The following RAB2A variants were observed in gnomAD, a reference collection of about 807,000 sequenced individuals.
RAB2A encodes ras-related protein Rab-2A.
A neutral mutation model predicts 32.5 loss-of-function variants in RAB2A; 7 were observed. That is an observed-to-expected ratio of 0.22 (90% CI 0.12 to 0.40). The LOEUF (loss-of-function observed/expected upper bound fraction) is 0.40, where lower values mean the gene tolerates loss of function less well. Among genes scored for constraint, RAB2A ranks in the 10% least tolerant of loss-of-function variants. The pLI, the probability that RAB2A is intolerant of heterozygous loss-of-function variation, is 1.00. For synonymous variants in RAB2A, 79 were observed against 85.2 expected (o/e 0.93, Z 0.40); for missense variants, 108 against 260.7 (o/e 0.41, Z 4.03).
chr8:60,593,997 GA>G (rs1335159750), intron 6 of RAB2A, among the ~76,000 whole-genome samples: 1 of 152,016 alleles, frequency 6.6e-6, no homozygotes, highest in Non-Finnish European at 1.5e-5. Context: ...AAAACTTAGT[GA>G]ATGGACTCAA....
intron 1 of RAB2A, among the ~76,000 whole-genome samples, chr8:60,526,671 T>G (rs1807395896): frequency 6.6e-6 from 1 of 152,158 alleles, no homozygotes; most frequent in Admixed American, 6.5e-5. Flanking sequence ...CTCACACTGC[T>G]ATAAAGAACT....
At chr8:60,592,133 CAG>C (rs1803953828) in intron 6 of RAB2A, 164 bp downstream of exon 6, 2 of 442,530 alleles carry the variant, frequency 4.5e-6, no homozygotes, top group Non-Finnish European at 8.4e-6. Flanking sequence ...CACCTTCTGT[CAG>C]ACTCTTAAAT....
chr8:60,565,323 G>A (rs567451495), intron 2 of RAB2A, among the ~76,000 whole-genome samples: 1 of 151,942 alleles, frequency 6.6e-6, no homozygotes, highest in East Asian at 1.9e-4. Flanking sequence ...GTAGACTGAG[G>A]CGGGAGGATT....
At chr8:60,565,750 A>T (rs1246703964) in intron 2 of RAB2A, among the ~76,000 whole-genome samples, 1 of 117,844 alleles carries the variant, frequency 8.5e-6, no homozygotes, top group Non-Finnish European at 1.6e-5. Context: ...TCGCTCTGTC[A>T]CCCAGGTTGG....
intron 1 of RAB2A, among the ~76,000 whole-genome samples, chr8:60,525,933 A>ATATATATGTCTATATATG (rs1334892117): frequency 6.8e-6 from 1 of 147,748 alleles, no homozygotes; most frequent in Non-Finnish European, 1.5e-5. Context: ...ATAAAGATAT[A>ATATATATGTCTATATATG]TATATATGTC....
intron 1 of RAB2A, among the ~76,000 whole-genome samples, chr8:60,547,125 C>T (rs1807742075): frequency 6.6e-6 from 1 of 151,446 alleles, no homozygotes; most frequent in South Asian, 2.1e-4. Flanking sequence ...CTTCAAGCAT[C>T]TGTTTAACAA....
Position 60,584,259 on chromosome 8 carries a change from G to T in RAB2A, c.238G>T (p.Ala80Ser), listed in dbSNP as rs1303794346. 1 of 1,609,180 alleles carries T rather than the reference G, an allele frequency of 6.2e-7. No homozygotes were observed. Among genetic ancestry groups the T allele is most frequent in the African/African-American group, 1.3e-5 (1 of 74,796 alleles). The change falls in exon 4 of 8, where the codon GCA (alanine) becomes TCA (serine). Residue 80 changes from alanine to serine, a missense_variant. Ala to Ser is a moderately conservative substitution (Grantham distance 99). This residue lies in a region of RAB2A where 79 missense variants were observed against 199.8 expected (regional missense o/e 0.40). Coordinates refer to ENST00000262646, the MANE Select transcript of RAB2A (RefSeq NM_002865.3). ...CACAAGGTCGTATTACAGAGGTGCAGCAGGAGCTTTACTAGTTTACGATAT... is the reference window on the plus strand; with the variant it reads ...CACAAGGTCGTATTACAGAGGTGCATCAGGAGCTTTACTAGTTTACGATAT... ...SITRSYYRGA[A>S]GALLVYDITR...
intron 3 of RAB2A, among the ~76,000 whole-genome samples, chr8:60,576,736 C>T (rs1453183271): frequency 6.6e-6 from 1 of 152,152 alleles, no homozygotes; most frequent in Non-Finnish European, 1.5e-5. Context: ...GGGAGAGGAC[C>T]TGGAACCCTG....
At chr8:60,606,053 A>G (rs140864548) in intron 6 of RAB2A, among the ~76,000 whole-genome samples, 153 of 152,042 alleles carry the variant, frequency 1.0e-3, no homozygotes, top group Non-Finnish European at 1.9e-3. Context: ...GGAGGCTGAG[A>G]CAGGAGAATT....
At chr8:60,611,857 G>A (rs1244103511) in intron 6 of RAB2A, among the ~76,000 whole-genome samples, 1 of 152,126 alleles carries the variant, frequency 6.6e-6, no homozygotes, top group Non-Finnish European at 1.5e-5. Flanking sequence ...AGAGTAAAAT[G>A]CTGCAATATT....
At chr8:60,553,364 T>C (rs1057135990) in intron 1 of RAB2A, among the ~76,000 whole-genome samples, 1 of 152,198 alleles carries the variant, frequency 6.6e-6, no homozygotes, top group Non-Finnish European at 1.5e-5. Flanking sequence ...ATTATGGATT[T>C]TTATTACTTG....
At chr8:60,570,798 T>C (rs1443386238) in intron 2 of RAB2A, among the ~76,000 whole-genome samples, 1 of 152,222 alleles carries the variant, frequency 6.6e-6, no homozygotes, top group African/African-American at 2.4e-5. Context: ...GCTCATCGTT[T>C]TATGTCATGG....
At chr8:60,584,350 G>A (rs1803815047) in intron 4 of RAB2A, 60 bp downstream of exon 4, 4 of 1,353,680 alleles carry the variant, frequency 3.0e-6, no homozygotes, top group Non-Finnish European at 4.2e-6. Context: ...CTAAATAGAT[G>A]TGGTTAACAG....
At chr8:60,565,735 A>T (rs1031109780) in intron 2 of RAB2A, among the ~76,000 whole-genome samples, 1 of 86,300 alleles carries the variant, frequency 1.2e-5, no homozygotes, top group African/African-American at 4.5e-5. Flanking sequence ...TTTTGAGACC[A>T]AGTCTCGCTC....
chr8:60,610,348 T>TC (rs533445659), intron 6 of RAB2A, among the ~76,000 whole-genome samples: 16 of 152,218 alleles, frequency 1.1e-4, no homozygotes, highest in Non-Finnish European at 2.4e-4. Context: ...CCCTTGCTAA[T>TC]ACCTGCATTC....
chr8:60,525,981 A>G (rs918750452), intron 1 of RAB2A, among the ~76,000 whole-genome samples: 3 of 144,532 alleles, frequency 2.1e-5, no homozygotes, highest in African/African-American at 7.6e-5. Flanking sequence ...CTATATGTCT[A>G]TATGTATATA....
intron 3 of RAB2A, among the ~76,000 whole-genome samples, chr8:60,573,149 CTT>C (rs1223764306): frequency 1.3e-5 from 2 of 152,222 alleles, no homozygotes; most frequent in African/African-American, 4.8e-5. Flanking sequence ...TGGGATCACA[CTT>C]TGAGAACCAC....
chr8:60,572,174 T>C, intron 3 of RAB2A, 61 bp downstream of exon 3: 2 of 1,279,198 alleles, frequency 1.6e-6, no homozygotes, highest in African/African-American at 1.5e-5. Flanking sequence ...AAGTACATCG[T>C]ATATTTGTTT....
At chr8:60,605,852 T>TATATATATATAA (rs777621349) in intron 6 of RAB2A, among the ~76,000 whole-genome samples, 8,372 of 144,344 alleles carry the variant, frequency 0.058, 371 homozygotes, top group South Asian at 0.11. Flanking sequence ...TATATATATA[T>TATATATATATAA]AATGCTTCAT....
Sources: gnomAD v4.1 joint callset for allele counts (sites outside exome capture counted in the v4.1 genomes callset) on GRCh38, gnomAD v4.1.1 for gene constraint, gnomAD v4.1.1 regional missense constraint, MANE v1.5 for transcripts, NCBI Gene and HGNC (gene_info 2026-07-23, HGNC 2026-07-21) for gene names.